Variants in ABCG2 observed in about 807,000 individuals in gnomAD.
ABCG2 encodes broad substrate specificity ATP-binding cassette transporter ABCG2.
In ABCG2, 80 loss-of-function variants were observed where a neutral mutation model predicts 73.5. That is an observed-to-expected ratio of 1.09 (90% confidence interval 0.91 to 1.31). ABCG2 has a LOEUF of 1.31. Ranked by LOEUF, ABCG2 falls within the 50% of genes most tolerant of loss-of-function variation. The pLI, the probability that ABCG2 is intolerant of heterozygous loss-of-function variation, is 0.00. For synonymous variants in ABCG2, 269 were observed against 282.4 expected, an observed-to-expected ratio of 0.95 and a Z score of 0.48; for missense variants, 796 against 786.2, an observed-to-expected ratio of 1.01 and a Z score of -0.15.
chr4:88,156,097 G>A (rs867453928), intron 1 of ABCG2, among the ~76,000 whole-genome samples: 3 of 151,800 alleles, frequency 2.0e-5, no homozygotes, highest in African/African-American at 4.8e-5. Flanking sequence ...AAAAGAGTCC[G>A]GGCATGATAG....
At chr4:88,114,844 A>G in intron 8 of ABCG2, 113 bp downstream of exon 8, 1 of 644,788 alleles carries the variant, frequency 1.6e-6, no homozygotes, top group Non-Finnish European at 2.7e-6. Flanking sequence ...GACTGGTATC[A>G]GAAGACTGCA....
chr4:88,099,433 G>A lies in ABCG2; in HGVS notation c.1383C>T (p.Ser461=), dbSNP rs143864112. ...EKKLFIHEYI[S]GYYRVSSYFL... ...AATAAGATGACACTCTGTAGTATCC[G>A]CTGATGTATTCATGTCTATAGAACA... The change falls in exon 12 of 16, where the codon AGC becomes AGT. Residue 461 remains serine, a synonymous_variant. Transcript: ENST00000237612. 54 of 1,603,312 alleles carry A rather than the reference G, an allele frequency of 3.4e-5. 1 individual carries two copies. The highest frequency in any genetic ancestry group is 3.3e-4 in the South Asian group (29 of 88,510).
At chr4:88,134,309 T>C (rs531575443) in intron 2 of ABCG2, among the ~76,000 whole-genome samples, 1 of 152,302 alleles carries the variant, frequency 6.6e-6, no homozygotes, top group South Asian at 2.1e-4. Context: ...CTATCACAAT[T>C]GTACAATGGC....
chr4:88,191,116 G>T (rs1728671233), intron 1 of ABCG2, among the ~76,000 whole-genome samples: 1 of 149,816 alleles, frequency 6.7e-6, no homozygotes, highest in African/African-American at 2.5e-5. Flanking sequence ...ATTGTGGAGG[G>T]TGCCTGTAGT....
chr4:88,152,179 G>A (rs1231147623), intron 1 of ABCG2, among the ~76,000 whole-genome samples: 1 of 152,116 alleles, frequency 6.6e-6, no homozygotes, highest in African/African-American at 2.4e-5. Context: ...TGGAAGCACT[G>A]GCAGGGTTTC....
chr4:88,204,465 T>C (rs1729303229), intron 1 of ABCG2, among the ~76,000 whole-genome samples: 1 of 152,086 alleles, frequency 6.6e-6, no homozygotes, highest in African/African-American at 2.4e-5. Context: ...AGCCAGGCAG[T>C]TGTCTGCTGC....
chr4:88,131,344 T>C, intron 4 of ABCG2, 131 bp from the exon 5 acceptor site: 1 of 936,950 alleles, frequency 1.1e-6, no homozygotes, highest in Admixed American at 2.5e-5. Flanking sequence ...ATGATGAACC[T>C]GCAGTTCTGC....
chr4:88,126,466 C>A (rs1333938550), intron 5 of ABCG2, among the ~76,000 whole-genome samples: 2 of 152,124 alleles, frequency 1.3e-5, no homozygotes, highest in Admixed American at 6.5e-5. Context: ...CTGGCAGAGA[C>A]ACAACAAAAA....
At chr4:88,221,846 A>G (rs1730023825) in intron 1 of ABCG2, among the ~76,000 whole-genome samples, 1 of 152,240 alleles carries the variant, frequency 6.6e-6, no homozygotes, top group South Asian at 2.1e-4. Flanking sequence ...GCAATAGAAA[A>G]GAAAACCCTT....
intron 1 of ABCG2, among the ~76,000 whole-genome samples, chr4:88,189,520 T>TATAA (rs144119456): frequency 0.19 from 27,926 of 147,808 alleles, 2,821 homozygotes; most frequent in African/African-American, 0.24. Flanking sequence ...CATCTAAAAA[T>TATAA]ATAAATAAAT....
intron 7 of ABCG2, 24 bp from the exon 8 acceptor site, chr4:88,115,082 A>G: frequency 6.6e-7 from 1 of 1,523,040 alleles, no homozygotes; most frequent in Non-Finnish European, 9.1e-7. Context: ...CAGCTCAAAA[A>G]CACAAACTTG....
intron 1 of ABCG2, among the ~76,000 whole-genome samples, chr4:88,230,803 CA>C: frequency 6.6e-6 from 1 of 152,292 alleles, no homozygotes; most frequent in East Asian, 1.9e-4. Context: ...TGTGCAGAAT[CA>C]GAGGCCCACC....
intron 1 of ABCG2, among the ~76,000 whole-genome samples, chr4:88,168,790 A>G (rs1727639780): frequency 6.6e-6 from 1 of 152,174 alleles, no homozygotes; most frequent in Non-Finnish European, 1.5e-5. Context: ...CATACCAAAA[A>G]AGTACAGGAA....
intron 12 of ABCG2, 135 bp from the exon 13 acceptor site, chr4:88,097,742 A>G (rs1305534145): frequency 7.7e-6 from 7 of 903,326 alleles, no homozygotes; most frequent in Non-Finnish European, 1.1e-5. Flanking sequence ...CCACTCTCCA[A>G]CCACCCTCGG....
chr4:88,205,643 C>T (rs1430554188), intron 1 of ABCG2, among the ~76,000 whole-genome samples: 1 of 151,794 alleles, frequency 6.6e-6, no homozygotes, highest in Non-Finnish European at 1.5e-5. Context: ...TCTAACCTTA[C>T]TTTATCTTAG....
intron 1 of ABCG2, among the ~76,000 whole-genome samples, chr4:88,218,120 A>G (rs1273485724): frequency 1.3e-5 from 2 of 152,046 alleles, no homozygotes; most frequent in Admixed American, 1.3e-4. Context: ...TTCCTCCCAG[A>G]TGATATCTTC....
intron 1 of ABCG2, among the ~76,000 whole-genome samples, chr4:88,204,333 G>A (rs1326960156): frequency 2.0e-5 from 3 of 152,034 alleles, no homozygotes; most frequent in African/African-American, 7.2e-5. Context: ...AGGCAGGAGA[G>A]TCGCTTGAAC....
intron 1 of ABCG2, among the ~76,000 whole-genome samples, chr4:88,196,635 C>T (rs1326524373): frequency 6.6e-6 from 1 of 151,874 alleles, no homozygotes; most frequent in Non-Finnish European, 1.5e-5. Flanking sequence ...AATTAATTAC[C>T]ATTCTGATTC....
At position 88,092,121 on chromosome 4, in the gene ABCG2, T is replaced by C; in HGVS notation, c.*113A>G. ...TATCTCTTTAAAACAATTGCTGCTGTGCAACAGTGTGATGGCAAGGGAACA... is the reference window on the plus strand; with the variant it reads ...TATCTCTTTAAAACAATTGCTGCTGCGCAACAGTGTGATGGCAAGGGAACA... On this transcript the variant is annotated 3_prime_UTR_variant, in exon 16 of 16. Transcript: ENST00000237612. 1.1e-6 allele frequency: 1 copy of C among 940,220 alleles called. No individual in the cohort carries two copies. The allele number at this position is 940,220 out of a possible 1,614,324, so 58.2% of individuals were successfully genotyped here. A position where few individuals can be genotyped will look rare whatever the true frequency, so the allele number is the denominator to read the frequency against.
Sources: allele counts gnomAD v4.1 joint callset (sites outside exome capture counted in the v4.1 genomes callset), GRCh38; gene constraint gnomAD v4.1.1; transcripts MANE v1.5; gene names NCBI Gene and HGNC (gene_info 2026-07-23, HGNC 2026-07-21).